Variants in FOXP2 observed in about 807,000 individuals in gnomAD.
FOXP2 encodes forkhead box P2.
In FOXP2, 12 loss-of-function variants were observed where a neutral mutation model predicts 115.8. The ratio of observed to expected loss-of-function variants is 0.10; its 90% CI spans 0.07 to 0.17. FOXP2 has a LOEUF of 0.17. FOXP2 is among the 10% of genes least tolerant of loss of function. FOXP2 has a pLI of 1.00. For missense variants in FOXP2, 629 were observed against 843.5 expected (o/e 0.75, Z 3.15); for synonymous variants, 328 against 297.7 (o/e 1.10, Z -1.05).
At chr7:114,580,170 C>T (rs191496776) in intron 3 of FOXP2, among the ~76,000 whole-genome samples, 2 of 152,280 alleles carry the variant, frequency 1.3e-5, no homozygotes, top group Non-Finnish European at 2.9e-5. Context: ...AGAAAGCAGT[C>T]ACTGGAATGA....
intron 2 of FOXP2, among the ~76,000 whole-genome samples, chr7:114,466,280 C>G (rs1295880737): frequency 6.6e-6 from 1 of 152,166 alleles, no homozygotes; most frequent in African/African-American, 2.4e-5. Context: ...GCCTCTTATT[C>G]TCATTACTGA....
At chr7:114,356,836 A>G (rs1432893944) in intron 2 of FOXP2, among the ~76,000 whole-genome samples, 2 of 152,210 alleles carry the variant, frequency 1.3e-5, no homozygotes, top group African/African-American at 4.8e-5. Context: ...GATTGAATGA[A>G]TGAATACCTA....
At chr7:114,159,561 G>A (rs1771586105), upstream of FOXP2, among the ~76,000 whole-genome samples, 1 of 151,876 alleles carries the variant, frequency 6.6e-6, no homozygotes, top group African/African-American at 2.4e-5. Flanking sequence ...ATACACTAAT[G>A]ATACTTTGGA....
chr7:114,132,590 A>T (rs1380664586), intron 1 of FOXP2, among the ~76,000 whole-genome samples: 50 of 146,290 alleles, frequency 3.4e-4, no homozygotes, highest in African/African-American at 1.2e-3. Context: ...TGTGAGAGAG[A>T]GAGAGAGAGA....
intron 1 of FOXP2, among the ~76,000 whole-genome samples, chr7:114,182,241 G>A (rs1008451764): frequency 2.0e-5 from 3 of 151,672 alleles, no homozygotes; most frequent in Non-Finnish European, 2.9e-5. Flanking sequence ...AAACAGTAAT[G>A]TAACTGATTT....
chr7:114,334,931 C>CTATATATATATATATATATATA lies in FOXP2; in HGVS notation c.-11+46829_-11+46850dup, dbSNP rs144511332. 2.6e-4 allele frequency among the ~76,000 whole-genome samples: 31 copies of CTATATATATATATATATATATA among 119,324 alleles called. 1 individual carries two copies. The East Asian group carries it at 4.2e-3, about 16-fold the overall frequency. The allele number at this position is 119,324 out of a possible 152,430, so 78.3% of individuals were successfully genotyped here. A position where few individuals can be genotyped will look rare whatever the true frequency, so the allele number is the denominator to read the frequency against. The stretch of plus-strand genomic sequence containing the variant: ...ATATATATTTTATATATATAGAAAT[C>CTATATATATATATATATATATA]TATATATATATATATATATATATAT... On this transcript the variant is annotated intron_variant, in intron 2 of 17. Transcript: ENST00000634411.
chr7:114,595,239 G>C (rs985508934), intron 3 of FOXP2, among the ~76,000 whole-genome samples: 11 of 151,900 alleles, frequency 7.2e-5, no homozygotes, highest in African/African-American at 2.7e-4. Flanking sequence ...TTTTGCTACA[G>C]GCTTTCTTGT....
At chr7:114,240,585 G>A (rs1795126807) in intron 1 of FOXP2, among the ~76,000 whole-genome samples, 1 of 151,448 alleles carries the variant, frequency 6.6e-6, no homozygotes, top group African/African-American at 2.4e-5. Flanking sequence ...GATTGCTATG[G>A]GGATTGTTTC....
chr7:114,405,584 G>A (rs1399346769), intron 2 of FOXP2, among the ~76,000 whole-genome samples: 1 of 151,858 alleles, frequency 6.6e-6, no homozygotes, highest in East Asian at 1.9e-4. Flanking sequence ...GTTACAGAGG[G>A]AATTGTGTAA....
intron 3 of FOXP2, among the ~76,000 whole-genome samples, chr7:114,553,682 C>T (rs1800318779): frequency 6.6e-6 from 1 of 152,076 alleles, no homozygotes; most frequent in Admixed American, 6.5e-5. Context: ...CAATAATAAA[C>T]TGACTTCCTT....
At chr7:114,408,400 T>C (rs1215950384) in intron 2 of FOXP2, among the ~76,000 whole-genome samples, 1 of 152,124 alleles carries the variant, frequency 6.6e-6, no homozygotes, top group Non-Finnish European at 1.5e-5. Context: ...TAGATAACTG[T>C]TCATGTTGGT....
chr7:114,207,207 G>T (rs983295673), intron 1 of FOXP2, among the ~76,000 whole-genome samples: 6 of 152,070 alleles, frequency 3.9e-5, no homozygotes, highest in Non-Finnish European at 7.4e-5. Context: ...TATCCATTCG[G>T]TAGTTGATGG....
At chr7:114,191,952 T>C (rs186659584) in intron 1 of FOXP2, among the ~76,000 whole-genome samples, 3 of 152,292 alleles carry the variant, frequency 2.0e-5, no homozygotes, top group East Asian at 3.9e-4. Flanking sequence ...AACCACTGAA[T>C]TTATTACTGT....
At chr7:114,218,713 G>T (rs2129163251) in intron 1 of FOXP2, among the ~76,000 whole-genome samples, 1 of 152,300 alleles carries the variant, frequency 6.6e-6, no homozygotes, top group Middle Eastern at 3.4e-3. Context: ...AACTATGAAA[G>T]AATAGTCTTC....
At chr7:114,615,622 T>G (rs933776072) in intron 3 of FOXP2, among the ~76,000 whole-genome samples, 2 of 152,222 alleles carry the variant, frequency 1.3e-5, no homozygotes, top group Non-Finnish European at 2.9e-5. Context: ...GCCTTCAAAT[T>G]ACAGTGTTTC....
upstream of FOXP2, chr7:114,086,473 C>A (rs1448113557): frequency 6.7e-6 from 2 of 300,572 alleles, no homozygotes; most frequent in South Asian, 2.4e-5. Flanking sequence ...GCTTCCTCGG[C>A]CCCCCCCCTC....
intron 3 of FOXP2, among the ~76,000 whole-genome samples, chr7:114,592,821 T>C (rs1802505250): frequency 1.3e-5 from 2 of 152,068 alleles, no homozygotes. Flanking sequence ...TCTGTGAATG[T>C]CCATTTACCT....
intron 1 of FOXP2, among the ~76,000 whole-genome samples, chr7:114,132,582 T>TGTGTGTGTGTGAGA (rs1554419465): frequency 2.3e-4 from 13 of 55,994 alleles, no homozygotes; most frequent in African/African-American, 9.4e-4. Flanking sequence ...TGTGTGTGTG[T>TGTGTGTGTGTGAGA]GAGAGAGAGA....
intron 3 of FOXP2, among the ~76,000 whole-genome samples, chr7:114,604,814 G>A (rs1412678897): frequency 6.6e-6 from 1 of 152,064 alleles, no homozygotes; most frequent in African/African-American, 2.4e-5. Flanking sequence ...CAGAGAATGG[G>A]GCTTGTAGAC....
Sources: allele counts gnomAD v4.1 joint callset (sites outside exome capture counted in the v4.1 genomes callset), GRCh38; gene constraint gnomAD v4.1.1; transcripts MANE v1.5; gene names NCBI Gene and HGNC (gene_info 2026-07-23, HGNC 2026-07-21).